SPATA7: variants seen among roughly 807,000 people sequenced by gnomAD.
The protein encoded by SPATA7 is spermatogenesis associated 7.
In SPATA7, 43 loss-of-function variants were observed where a neutral mutation model predicts 51.8. The observed-to-expected ratio is 0.83, with a 90% CI of 0.65 to 1.07. SPATA7 has a LOEUF of 1.07. Among genes scored for constraint, SPATA7 ranks in the 50% least tolerant of loss-of-function variants. The pLI, the probability that SPATA7 is intolerant of heterozygous loss-of-function variation, is 0.00. For synonymous variants in SPATA7, 230 were observed against 252.8 expected, an observed-to-expected ratio of 0.91 and a Z score of 0.86; for missense variants, 683 against 701.3, an observed-to-expected ratio of 0.97 and a Z score of 0.30.
At chr14:88,462,335 A>G (rs1326331809) in intron 4 of SPATA7, among the ~76,000 whole-genome samples, 2 of 152,194 alleles carry the variant, frequency 1.3e-5, no homozygotes, top group African/African-American at 2.4e-5. Context: ...CTAGTTATTG[A>G]ATCTGTACTA....
Position 88,469,120 on chromosome 14 carries a change from C to G in SPATA7, c.255-727C>G, listed in dbSNP as rs373722054. The G allele has an allele frequency of 6.4e-7, 1 of 1,564,614 alleles. No homozygotes were observed. The highest frequency in any genetic ancestry group is 1.4e-5 in the African/African-American group (1 of 73,736). ...ATAGAAAAGTACTCAAGGATCAAGGCGTATCACATTGTTGACTCAATCTTC... is the reference window on the plus strand; with the variant it reads ...ATAGAAAAGTACTCAAGGATCAAGGGGTATCACATTGTTGACTCAATCTTC... On this transcript the variant is annotated intron_variant, in intron 4 of 4. Coordinates refer to the SPATA7 transcript ENST00000556406. The surrounding 1 kb of genome is among the most constrained non-coding windows in gnomAD (Gnocchi z 4.3).
intron 2 of SPATA7, 37 bp from the exon 3 acceptor site, chr14:88,393,356 A>G: frequency 7.6e-7 from 1 of 1,310,278 alleles, no homozygotes; most frequent in Non-Finnish European, 1.1e-6. Context: ...TTTTTATATT[A>G]GTTTTAAATA....
At chr14:88,467,864 A>T in intron 4 of SPATA7, 1 of 414,392 alleles carries the variant, frequency 2.4e-6, no homozygotes, top group Non-Finnish European at 4.3e-6. Flanking sequence ...CAATCTCCAA[A>T]ATGTGTGCAA....
At position 88,395,262 on chromosome 14, in the gene SPATA7, T is replaced by G. The variant is rs564548923; in HGVS notation, c.191-894T>G. 2.0e-5 allele frequency among the ~76,000 whole-genome samples: 3 copies of G among 151,992 alleles called. No individual in the cohort carries two copies. The South Asian group carries it at 6.2e-4, about 31-fold the overall frequency. ...CATTAACTACAGACCTTATTTGAAT[T>G]TCACCAATTTTTGACTAATGTCTTT... is the stretch of plus-strand genomic sequence containing the variant. On this transcript the variant is annotated intron_variant, in intron 3 of 11. Coordinates refer to ENST00000393545, the MANE Select transcript of SPATA7 (RefSeq NM_018418.5).
In SPATA7 at chr14:88,469,643, G is replaced by A. The variant is rs750979201; in HGVS notation, c.255-204G>A. 40 of 1,614,124 alleles carry A rather than the reference G, an allele frequency of 2.5e-5. No individual in the cohort carries two copies. Among genetic ancestry groups the A allele is most frequent in the South Asian group, 2.3e-4 (21 of 91,070 alleles). On this transcript the variant is annotated intron_variant, in intron 4 of 4. Transcript: ENST00000556406. This position sits in a 1 kb window ranked among gnomAD's most constrained non-coding sequence, Gnocchi z 4.3. ...TAGCAGCCAGAGTCTGTGCGGAACCGGGTCGTGATCTTAAACCTTCCATAG... is the reference window on the plus strand; with the variant it reads ...TAGCAGCCAGAGTCTGTGCGGAACCAGGTCGTGATCTTAAACCTTCCATAG...
At chr14:88,466,657 T>G (rs1386673950) in intron 4 of SPATA7, 1 of 152,198 alleles carries the variant, frequency 6.6e-6, no homozygotes, top group Non-Finnish European at 1.5e-5. Flanking sequence ...GCCATCTTAA[T>G]CGGGGCCAGA....
chr14:88,399,223 T>C (rs73321835), intron 4 of SPATA7, among the ~76,000 whole-genome samples: 5,372 of 152,162 alleles, frequency 0.035, 309 homozygotes, highest in African/African-American at 0.12. Context: ...GTTGAAGAGA[T>C]AGAAGGTAGG....
intron 2 of SPATA7, among the ~76,000 whole-genome samples, chr14:88,393,134 C>T (rs2075788103): frequency 6.6e-6 from 1 of 152,010 alleles, no homozygotes; most frequent in South Asian, 2.1e-4. Context: ...AATGTAATGA[C>T]AGATCATATC....
downstream of SPATA7, among the ~76,000 whole-genome samples, chr14:88,458,850 T>C (rs2077300763): frequency 1.3e-5 from 2 of 152,230 alleles, no homozygotes; most frequent in Admixed American, 6.5e-5. Context: ...CTTTCTCTTA[T>C]GGGCATTTAG....
Position 88,464,922 on chromosome 14 carries a change from G to C in SPATA7, c.255-4925G>C, listed in dbSNP as rs139172270. 2.6e-3 allele frequency among the ~76,000 whole-genome samples: 399 copies of C among 152,228 alleles called. 1 individual carries two copies. The highest frequency in any genetic ancestry group is 9.3e-3 in the African/African-American group (387 of 41,550). ...CAACCCTTCTGAAATGACTGATGGT[G>C]AAAGCTTCACAGAAAAGCTGGCCAC... On this transcript the variant is annotated intron_variant, in intron 4 of 4. Transcript: ENST00000556406.
chr14:88,416,409 C>CTTTTTTT (rs536916579), intron 4 of SPATA7: 1 of 120,714 alleles, frequency 8.3e-6, no homozygotes, highest in Non-Finnish European at 1.6e-5. Context: ...TGTTGGCATT[C>CTTTTTTT]TTTTTTTTTT....
intron 4 of SPATA7, among the ~76,000 whole-genome samples, chr14:88,411,109 G>A (rs78792992): frequency 0.035 from 5,348 of 152,252 alleles, 303 homozygotes; most frequent in African/African-American, 0.12. Context: ...GGCTACAGTG[G>A]CCTTGTGGCG....
In SPATA7 at chr14:88,393,434, C is replaced by T. The variant is rs1472791220; in HGVS notation, c.136C>T (p.Gln46Ter). 2 of 1,605,476 alleles carry T rather than the reference C, an allele frequency of 1.2e-6. No individual in the cohort carries two copies. Among genetic ancestry groups the T allele is most frequent in the Non-Finnish European group, 1.7e-6 (2 of 1,175,270 alleles). ...DSSSLRLSTLQLVKNHMAVHY... is the reference protein window; with the variant it reads ...DSSSLRLSTL ...CTCTTCTCTCAGACTAAGCACTCTC[C>T]AGCTGGTCAAGAATCACATGGCTGT... The change falls in exon 3 of 12, where the codon CAG becomes TAG. Residue 46 changes from glutamine to a stop codon, truncating the protein, a stop_gained. Coordinates refer to ENST00000393545, the MANE Select transcript of SPATA7 (RefSeq NM_018418.5). LOFTEE classifies it high-confidence loss of function.
At chr14:88,447,750 G>A (rs1485636499) in intron 3 of SPATA7, among the ~76,000 whole-genome samples, 3 of 152,018 alleles carry the variant, frequency 2.0e-5, no homozygotes, top group Admixed American at 6.6e-5. Flanking sequence ...CTGAAGCTTA[G>A]TTTGGCTGGA....
At chr14:88,393,163 A>G (rs1017562223) in intron 2 of SPATA7, among the ~76,000 whole-genome samples, 4 of 152,106 alleles carry the variant, frequency 2.6e-5, no homozygotes, top group Non-Finnish European at 4.4e-5. Flanking sequence ...TCTTCCCCAG[A>G]GTCTCAGGCT....
At position 88,427,613 on chromosome 14, in the gene SPATA7, A is replaced by G. The variant is rs1031570912; in HGVS notation, c.846-17A>G. Reference sequence around the variant, plus strand: ...TATTTTGAAGGATTAACAATTATTTATTTTAAATTATTACAGCTTTAAATC... The same window carrying G: ...TATTTTGAAGGATTAACAATTATTTGTTTTAAATTATTACAGCTTTAAATC... On this transcript the variant is annotated splice_polypyrimidine_tract_variant and intron_variant, in intron 6 of 11. Transcript: ENST00000393545. 6.4e-7 allele frequency: 1 copy of G among 1,553,330 alleles called. No individual in the cohort carries two copies. The highest frequency in any genetic ancestry group is 1.4e-5 in the African/African-American group (1 of 72,914).
intron 3 of SPATA7, among the ~76,000 whole-genome samples, chr14:88,445,937 C>A (rs1429616664): frequency 6.6e-6 from 1 of 152,140 alleles, no homozygotes; most frequent in Non-Finnish European, 1.5e-5. Flanking sequence ...GGATATTGGT[C>A]TAAAATTCTC....
chr14:88,416,622 G>T, intron 4 of SPATA7, 89 bp from the exon 5 acceptor site: 1 of 1,232,866 alleles, frequency 8.1e-7, no homozygotes. Context: ...ATTTTAACAA[G>T]AAAAATGTTC....
At chr14:88,450,495 G>A (rs943741190) in intron 3 of SPATA7, among the ~76,000 whole-genome samples, 1 of 152,038 alleles carries the variant, frequency 6.6e-6, no homozygotes, top group Non-Finnish European at 1.5e-5. Context: ...TGCTGGCTTG[G>A]TAGTGGCAAA....
Sources: allele counts gnomAD v4.1 joint callset (sites outside exome capture counted in the v4.1 genomes callset), GRCh38; gene constraint gnomAD v4.1.1; non-coding constraint Gnocchi (gnomAD v3.1); transcripts MANE v1.5; gene names NCBI Gene and HGNC (gene_info 2026-07-23, HGNC 2026-07-21).